SLC7A10: variants seen among roughly 807,000 people sequenced by gnomAD.
SLC7A10 encodes solute carrier family 7 member 10, also known as asc-type amino acid transporter 1.
In SLC7A10, 30 loss-of-function variants were observed where a neutral mutation model predicts 52.7. That is an observed-to-expected ratio of 0.57 (90% CI 0.43 to 0.77). The LOEUF (loss-of-function observed/expected upper bound fraction) is 0.77, where lower values mean the gene tolerates loss of function less well. Ranked by LOEUF, SLC7A10 falls within the 30% of genes least tolerant of loss-of-function variation. The probability of loss-of-function intolerance (pLI) is 0.00; values close to 1 mark genes in which losing one functional copy is unlikely to be tolerated. For synonymous variants in SLC7A10, 318 were observed against 314.9 expected (o/e 1.01, Z -0.10); for missense variants, 581 against 698.5 (o/e 0.83, Z 1.90).
At chr19:33,220,217 C>G (rs1436964313) in intron 1 of SLC7A10, 1 of 152,228 alleles carries the variant, frequency 6.6e-6, no homozygotes, top group Non-Finnish European at 1.5e-5. Flanking sequence ...TGGCCGGCAC[C>G]CGACTCCAGC....
intron 1 of SLC7A10, among the ~76,000 whole-genome samples, chr19:33,218,230 G>A (rs939337682): frequency 1.3e-5 from 2 of 152,114 alleles, no homozygotes; most frequent in Non-Finnish European, 2.9e-5. Flanking sequence ...GCCACATCTG[G>A]CACCCTATCT....
At chr19:33,215,654 A>AGCCCCCACACCCCCTCTCCATCCCCC in intron 2 of SLC7A10, 115 bp downstream of exon 2, 1 of 716,184 alleles carries the variant, frequency 1.4e-6, no homozygotes, top group Admixed American at 5.1e-5. Context: ...CTCTCCATCC[A>AGCCCCCACACCCCCTCTCCATCCCCC]CCCCCACGAC....
At position 33,215,880 on chromosome 19, in the gene SLC7A10, C is replaced by A; in HGVS notation, c.245G>T (p.Gly82Val). Residue 82 changes from glycine to valine, a missense_variant, in exon 2 of 11, where the codon GGT (glycine) becomes GTT (valine). Physicochemically the swap from Gly to Val is moderately radical, Grantham distance 109. Coordinates refer to ENST00000253188, the MANE Select transcript of SLC7A10 (RefSeq NM_019849.3). ...VGLALFVWVLGGGVTALGSLC... is the reference protein window; with the variant it reads ...VGLALFVWVLVGGVTALGSLC... ...GGAGCCCAGAGCCGTCACGCCCCCACCCAGGACCCAGACGAACAGGGCCAG... is the reference window on the plus strand; with the variant it reads ...GGAGCCCAGAGCCGTCACGCCCCCAACCAGGACCCAGACGAACAGGGCCAG... 1 of 1,610,104 alleles carries A rather than the reference C, an allele frequency of 6.2e-7. No homozygotes were observed. Among genetic ancestry groups the A allele is most frequent in the Non-Finnish European group, 8.5e-7 (1 of 1,178,508 alleles).
rs756877434 is a variant in SLC7A10 at position 33,211,335 on chromosome 19, G to A, written c.913-7C>T. On this transcript the variant is annotated splice_region_variant and splice_polypyrimidine_tract_variant and intron_variant, in intron 6 of 10. Coordinates refer to ENST00000253188, the MANE Select transcript of SLC7A10 (RefSeq NM_019849.3). The stretch of plus-strand genomic sequence containing the variant: ...GCAGCTTCTCCCCGAAGGTCTGGGT[G>A]GGCACAGTAGAGAGGCCATGTGTAA... 1 of 1,614,038 alleles carries A rather than the reference G, an allele frequency of 6.2e-7. No homozygotes were observed. The highest frequency in any genetic ancestry group is 8.5e-7 in the Non-Finnish European group (1 of 1,180,002).
chr19:33,211,009 C>A, intron 7 of SLC7A10, 111 bp from the exon 8 acceptor site: 1 of 1,107,454 alleles, frequency 9.0e-7, no homozygotes, highest in Non-Finnish European at 1.4e-6. Flanking sequence ...CCAGCAGCCC[C>A]ACTGGACAGT....
intron 1 of SLC7A10, among the ~76,000 whole-genome samples, chr19:33,216,517 TG>T (rs1974687710): frequency 6.6e-6 from 1 of 152,198 alleles, no homozygotes; most frequent in East Asian, 1.9e-4. Context: ...ACTCATGGAG[TG>T]GCTCAGGAAA....
At chr19:33,218,444 C>T (rs1157456351) in intron 1 of SLC7A10, among the ~76,000 whole-genome samples, 2 of 151,994 alleles carry the variant, frequency 1.3e-5, no homozygotes, top group Non-Finnish European at 1.5e-5. Context: ...CTAGACCACT[C>T]GCAGCATCTC....
Position 33,208,894 on chromosome 19 carries a change from T to C in SLC7A10, c.1569A>G (p.Gln523=), listed in dbSNP as rs112066832. 3.6e-5 allele frequency: 58 copies of C among 1,611,268 alleles called. 1 individual carries two copies. The highest frequency in any genetic ancestry group is 3.2e-4 in the African/African-American group (24 of 74,960). ...TGCTTCAGTCTCTACAAAAATCTCA[T>C]TGTGGCTTCGAGGGCTTGTCTGTGG... ...LPATDKPSKP[Q] is the part of the protein sequence containing the mutation. The change falls in exon 11 of 11, where the codon CAA becomes CAG. Residue 523 remains glutamine, a synonymous_variant. Transcript: ENST00000253188. The surrounding 1 kb of genome is among the most constrained non-coding windows in gnomAD (Gnocchi z 4.7).
Position 33,210,850 on chromosome 19 carries a change from G to A in SLC7A10, c.1065C>T (p.Ala355=). The A allele has an allele frequency of 6.2e-7, 1 of 1,613,544 alleles. No homozygotes were observed. Among genetic ancestry groups the A allele is most frequent in the Non-Finnish European group, 8.5e-7 (1 of 1,180,034 alleles). ...AREGHLPSLL[A]MIHVRHCTPI... is the part of the protein sequence containing the mutation. ...GGGTGCAGTGTCTGACGTGGATCATGGCCAGCAGGCTGGGCAGGTGCCCCT... is the reference window on the plus strand; with the variant it reads ...GGGTGCAGTGTCTGACGTGGATCATAGCCAGCAGGCTGGGCAGGTGCCCCT... The change falls in exon 8 of 11, where the codon GCC becomes GCT. Residue 355 remains alanine, a synonymous_variant. Transcript: ENST00000253188. The surrounding 1 kb of genome is among the most constrained non-coding windows in gnomAD (Gnocchi z 5.6).
chr19:33,210,765 C>G lies in SLC7A10; in HGVS notation c.1113+37G>C, dbSNP rs756758117. ...GGTCCTGCATTGCCGGGTAGCCCTG[C>G]CTCCACGCCCTGCCTGGCCCAGGTC... On this transcript the variant is annotated intron_variant, in intron 8 of 10. Coordinates refer to ENST00000253188, the MANE Select transcript of SLC7A10 (RefSeq NM_019849.3). The surrounding 1 kb of genome is among the most constrained non-coding windows in gnomAD (Gnocchi z 5.6). 1.5e-5 allele frequency: 24 copies of G among 1,610,952 alleles called. No homozygotes were observed. The highest frequency in any genetic ancestry group is 2.7e-5 in the African/African-American group (2 of 74,878).
At position 33,209,009 on chromosome 19, in the gene SLC7A10, T is replaced by C. The variant is rs563254618; in HGVS notation, c.1454A>G (p.His485Arg). The change falls in exon 11 of 11, where the codon CAC (histidine) becomes CGC (arginine). Residue 485 changes from histidine to arginine, a missense_variant. Physicochemically the swap from His to Arg is conservative, Grantham distance 29. Transcript: ENST00000253188. ...CVHRLTESMT[H>R]WGQELCFVVY... ...CACGAAACACAGCTCCTGGCCCCAG[T>C]GTGTCATGGACTCTGAGGACAGACA... 30 of 1,613,742 alleles carry C rather than the reference T, an allele frequency of 1.9e-5. No homozygotes were observed. In the African/African-American group the frequency reaches 3.6e-4, roughly 19 times the overall value.
rs766160404 is a variant in SLC7A10 at position 33,212,626 on chromosome 19, C to T, written c.522G>A (p.Trp174Ter). 3.1e-6 allele frequency: 5 copies of T among 1,613,774 alleles called. No individual in the cohort carries two copies. The highest frequency in any genetic ancestry group is 4.2e-6 in the Non-Finnish European group (5 of 1,180,048). The change falls in exon 4 of 11, where the codon TGG becomes TGA. Residue 174 changes from tryptophan (W) to a stop codon, truncating the protein, a stop_gained. Transcript: ENST00000253188. LOFTEE classifies it high-confidence loss of function. ...CCCAGCGCACACTGGAGCTGTTCAC[C>T]CATGTCAGGAGCACTGCGGAGGGAA... ...LSMACLMLLT[W>*]VNSSSVRWAT...
At position 33,219,203 on chromosome 19, in the gene SLC7A10, G is replaced by A. The variant is rs577533139; in HGVS notation, c.152-3230C>T. Among the ~76,000 whole-genome samples, 30 of 152,182 alleles carry A rather than the reference G, an allele frequency of 2.0e-4. 1 individual carries two copies. The highest frequency in any genetic ancestry group is 6.5e-4 in the African/African-American group (27 of 41,502). ...CGAGGAAGTGACTGCCCCCCAAGTC[G>A]GCCTTCCCAGAGTCTCCACCACCCG... On this transcript the variant is annotated intron_variant, in intron 1 of 10. Transcript: ENST00000253188.
chr19:33,225,333 T>TC (rs1974898356), intron 1 of SLC7A10, among the ~76,000 whole-genome samples: 1 of 151,976 alleles, frequency 6.6e-6, no homozygotes, highest in South Asian at 2.1e-4. Context: ...GACCCAAAAC[T>TC]CCCCCAGGTG....
chr19:33,211,681 G>C, intron 5 of SLC7A10, 144 bp from the exon 6 acceptor site: 10 of 1,452,498 alleles, frequency 6.9e-6, no homozygotes, highest in Non-Finnish European at 9.3e-6. Context: ...ATTGCTGCCC[G>C]AGACACAGGG....
chr19:33,212,009 AG>A, intron 5 of SLC7A10: 1 of 556,260 alleles, frequency 1.8e-6, no homozygotes, highest in Non-Finnish European at 3.2e-6. Flanking sequence ...GCATAATTTT[AG>A]GCCAAATGCA....
At chr19:33,224,801 GT>G (rs1390263789) in intron 1 of SLC7A10, among the ~76,000 whole-genome samples, 1 of 152,198 alleles carries the variant, frequency 6.6e-6, no homozygotes, top group Non-Finnish European at 1.5e-5. Flanking sequence ...AAACCCCTAT[GT>G]GGGGGCAGGA....
Position 33,210,840 on chromosome 19 carries a change from C to T in SLC7A10, c.1075G>A (p.Val359Ile), listed in dbSNP as rs536810683. 1.2e-4 allele frequency: 186 copies of T among 1,613,586 alleles called. 1 individual carries two copies. In the South Asian group the frequency reaches 1.5e-3, roughly 13 times the overall value. Residue 359 changes from valine (V) to isoleucine (I), a missense_variant, in exon 8 of 11, where the codon GTC becomes ATC. Physicochemically the swap from Val to Ile is conservative, Grantham distance 29. Coordinates refer to ENST00000253188, the MANE Select transcript of SLC7A10 (RefSeq NM_019849.3). The surrounding 1 kb of genome is among the most constrained non-coding windows in gnomAD (Gnocchi z 5.6). Reference sequence around the variant, plus strand: ...GCGGGGATGGGGGTGCAGTGTCTGACGTGGATCATGGCCAGCAGGCTGGGC... The same window carrying T: ...GCGGGGATGGGGGTGCAGTGTCTGATGTGGATCATGGCCAGCAGGCTGGGC... ...HLPSLLAMIH[V>I]RHCTPIPALL...
intron 1 of SLC7A10, 99 bp downstream of exon 1, chr19:33,225,454 A>G: frequency 6.9e-7 from 1 of 1,439,684 alleles, no homozygotes. Flanking sequence ...CCCCAGGCAG[A>G]CCCGTCCGAG....
Sources: gnomAD v4.1 joint callset for allele counts (sites outside exome capture counted in the v4.1 genomes callset) on GRCh38, gnomAD v4.1.1 for gene constraint, Gnocchi (gnomAD v3.1) non-coding constraint, MANE v1.5 for transcripts, NCBI Gene and HGNC (gene_info 2026-07-23, HGNC 2026-07-21) for gene names.